SSH2: variants seen among roughly 807,000 people sequenced by gnomAD.
SSH2 encodes the protein protein phosphatase Slingshot homolog 2.
In SSH2, 37 loss-of-function variants were observed where a neutral mutation model predicts 135.2. The observed-to-expected ratio is 0.27, with a 90% CI of 0.21 to 0.36. SSH2 has a LOEUF of 0.36. Among genes scored for constraint, SSH2 ranks in the 10% least tolerant of loss-of-function variants. The pLI is 1.00. For missense variants in SSH2, 1,408 were observed against 1,765.3 expected (o/e 0.80, Z 3.63); for synonymous variants, 628 against 646.2 (o/e 0.97, Z 0.43).
chr17:29,882,484 G>A (rs2151433443), intron 1 of SSH2, among the ~76,000 whole-genome samples: 1 of 152,302 alleles, frequency 6.6e-6, no homozygotes, highest in Non-Finnish European at 1.5e-5. Context: ...GGGCGCAGTG[G>A]CTCACACCTG....
At chr17:29,871,411 A>T (rs2151421349) in intron 1 of SSH2, among the ~76,000 whole-genome samples, 1 of 152,334 alleles carries the variant, frequency 6.6e-6, no homozygotes. Context: ...CATCCTACTG[A>T]ATACTGTTTA....
At chr17:29,684,821 T>A (rs2038143370) in intron 5 of SSH2, 137 bp from the exon 6 acceptor site, 2 of 695,788 alleles carry the variant, frequency 2.9e-6, no homozygotes, top group South Asian at 4.6e-5. Context: ...TAAATTAAAA[T>A]CTCAGCTCGT....
intron 2 of SSH2, among the ~76,000 whole-genome samples, chr17:29,823,218 A>C (rs548909895): frequency 6.6e-6 from 1 of 152,326 alleles, no homozygotes; most frequent in Admixed American, 6.5e-5. Context: ...AATATATTCA[A>C]ATAAATAATA....
chr17:29,684,471 C>G, intron 6 of SSH2, 92 bp downstream of exon 6: 1 of 1,241,648 alleles, frequency 8.1e-7, no homozygotes, highest in Non-Finnish European at 1.1e-6. Flanking sequence ...AGTGATGACA[C>G]TCCGTCCCCA....
intron 1 of SSH2, among the ~76,000 whole-genome samples, chr17:29,872,633 G>A (rs1599123110): frequency 1.3e-5 from 2 of 152,246 alleles, no homozygotes; most frequent in East Asian, 3.9e-4. Context: ...AGAGGAGCTA[G>A]CGGTCTCGTA....
chr17:29,779,872 CACTTTCTAATAAATGGAAAGCTCT>C (rs2151286469), intron 3 of SSH2, among the ~76,000 whole-genome samples: 1 of 140,290 alleles, frequency 7.1e-6, no homozygotes, highest in East Asian at 2.2e-4. Flanking sequence ...CAGTTACAGC[CACTTTCTAATAAATGGAAAGCTCT>C]ACTTTTGTTT....
intron 1 of SSH2, among the ~76,000 whole-genome samples, chr17:29,924,592 T>C (rs1036447941): frequency 6.6e-6 from 1 of 152,058 alleles, no homozygotes; most frequent in African/African-American, 2.4e-5. Flanking sequence ...CTATATTAAT[T>C]AGGCAAGAAT....
intron 8 of SSH2, chr17:29,676,473 T>G (rs998114657): frequency 1.0e-5 from 2 of 194,362 alleles, no homozygotes; most frequent in Admixed American, 1.2e-4. Flanking sequence ...AGCTAATGCA[T>G]AGCAATGTGA....
chr17:29,702,380 C>T (rs1274117308), intron 4 of SSH2, among the ~76,000 whole-genome samples: 6 of 150,154 alleles, frequency 4.0e-5, no homozygotes, highest in African/African-American at 9.8e-5. Flanking sequence ...CCTGGCCGGG[C>T]GTGGTGGCTG....
intron 11 of SSH2, among the ~76,000 whole-genome samples, chr17:29,664,749 C>T (rs2151029171): frequency 6.6e-6 from 1 of 152,244 alleles, no homozygotes; most frequent in East Asian, 1.9e-4. Flanking sequence ...GGCACAAATG[C>T]TCAAATGCAT....
At chr17:29,912,480 A>AC (rs1282006253) in intron 1 of SSH2, among the ~76,000 whole-genome samples, 1 of 152,202 alleles carries the variant, frequency 6.6e-6, no homozygotes, top group Non-Finnish European at 1.5e-5. Context: ...TAATTTCAGC[A>AC]CTTCGAGAGC....
chr17:29,770,356 G>T (rs2041554772), intron 3 of SSH2, among the ~76,000 whole-genome samples: 1 of 151,852 alleles, frequency 6.6e-6, no homozygotes, highest in Admixed American at 6.6e-5. Flanking sequence ...TGATCTGCCT[G>T]CCTTGGCCTC....
At chr17:29,708,813 A>T (rs998089143) in intron 3 of SSH2, among the ~76,000 whole-genome samples, 2 of 151,388 alleles carry the variant, frequency 1.3e-5, no homozygotes, top group Non-Finnish European at 2.9e-5. Context: ...TAAAGAAAAT[A>T]CTATTTTCTT....
intron 2 of SSH2, among the ~76,000 whole-genome samples, chr17:29,839,383 CAG>C (rs1311240810): frequency 6.6e-6 from 1 of 152,196 alleles, no homozygotes; most frequent in African/African-American, 2.4e-5. Flanking sequence ...CCATTGGCCA[CAG>C]AGGTTTCTGG....
intron 14 of SSH2, among the ~76,000 whole-genome samples, chr17:29,638,551 CACACACACACAG>C (rs1169614671): frequency 1.7e-3 from 255 of 148,926 alleles, no homozygotes; most frequent in African/African-American, 6.0e-3. Context: ...CACACACACA[CACACACACACAG>C]AGACAGGGTA....
At chr17:29,744,781 G>A (rs926364786) in intron 3 of SSH2, among the ~76,000 whole-genome samples, 7 of 151,932 alleles carry the variant, frequency 4.6e-5, no homozygotes, top group East Asian at 1.9e-4. Flanking sequence ...TGCCTACGAC[G>A]TGATGCTGAT....
At chr17:29,822,718 T>C (rs1349629303) in intron 2 of SSH2, among the ~76,000 whole-genome samples, 1 of 152,186 alleles carries the variant, frequency 6.6e-6, no homozygotes, top group Non-Finnish European at 1.5e-5. Context: ...CCAATTCCTA[T>C]TTCCACAAAA....
chr17:29,744,363 G>A (rs920718844), intron 3 of SSH2, among the ~76,000 whole-genome samples: 1 of 152,192 alleles, frequency 6.6e-6, no homozygotes, highest in Non-Finnish European at 1.5e-5. Context: ...GGTTGGCTGA[G>A]GAGCCTGCTG....
intron 2 of SSH2, among the ~76,000 whole-genome samples, chr17:29,833,637 GTT>G (rs893761224): frequency 6.9e-6 from 1 of 144,130 alleles, no homozygotes; most frequent in Non-Finnish European, 1.5e-5. Context: ...TTTGTTTTCT[GTT>G]TTTTTTTCCT....
Sources: allele counts gnomAD v4.1 joint callset (sites outside exome capture counted in the v4.1 genomes callset), GRCh38; gene constraint gnomAD v4.1.1; transcripts MANE v1.5; gene names NCBI Gene and HGNC (gene_info 2026-07-23, HGNC 2026-07-21).